NOX4: variants seen among roughly 807,000 people sequenced by gnomAD.
NOX4 encodes the protein kidney oxidase-1.
In NOX4, 69 loss-of-function variants were observed where a neutral mutation model predicts 87.6. The observed-to-expected ratio is 0.79, with a 90% CI of 0.65 to 0.96. The LOEUF is 0.96. Ranked by LOEUF, NOX4 falls within the 40% of genes least tolerant of loss-of-function variation. The pLI, the probability that NOX4 is intolerant of heterozygous loss-of-function variation, is 0.00. For missense variants in NOX4, 680 were observed against 681.5 expected, an observed-to-expected ratio of 1.00 and a Z score of 0.02; for synonymous variants, 275 against 238.2, an observed-to-expected ratio of 1.15 and a Z score of -1.42.
At chr11:89,430,402 G>T (rs1471095281) in intron 7 of NOX4, among the ~76,000 whole-genome samples, 1 of 152,134 alleles carries the variant, frequency 6.6e-6, no homozygotes, top group Non-Finnish European at 1.5e-5. Flanking sequence ...TAGGAAAAAA[G>T]GAAGTCAAAT....
intron 11 of NOX4, among the ~76,000 whole-genome samples, chr11:89,398,393 T>C (rs1941630401): frequency 6.6e-6 from 1 of 151,966 alleles, no homozygotes; most frequent in Non-Finnish European, 1.5e-5. Context: ...AGCATTCCCT[T>C]TGAAAACTGG....
At chr11:89,523,170 C>T in the NOX4 span, among the ~76,000 whole-genome samples, 1 of 152,000 alleles carries the variant, frequency 6.6e-6, no homozygotes, top group Non-Finnish European at 1.5e-5. Context: ...ACTACAGGCA[C>T]GTGTCACCAA....
intron 14 of NOX4, among the ~76,000 whole-genome samples, chr11:89,341,484 A>G (rs1417090772): frequency 6.6e-6 from 1 of 152,206 alleles, no homozygotes; most frequent in Non-Finnish European, 1.5e-5. Flanking sequence ...TAATAAATGA[A>G]GGAATGATGT....
At position 89,434,442 on chromosome 11, in the gene NOX4, C is replaced by CTT. The variant is rs575171291; in HGVS notation, c.476-1588_476-1587dup. On this transcript the variant is annotated intron_variant, in intron 6 of 17. Coordinates refer to ENST00000263317, the MANE Select transcript of NOX4 (RefSeq NM_016931.5). Reference sequence around the variant, plus strand: ...TTCCTTCCTAGAGGAAAAGTACTTCCTTTTTCATGATTTTTCCATTTCCTA... The same window carrying CTT: ...TTCCTTCCTAGAGGAAAAGTACTTCCTTTTTTTCATGATTTTTCCATTTCCTA... 3.0e-3 allele frequency among the ~76,000 whole-genome samples: 449 copies of CTT among 152,046 alleles called. 2 individuals carry two copies. Among genetic ancestry groups the CTT allele is most frequent in the Non-Finnish European group, 5.0e-3 (339 of 67,936 alleles).
rs192901907 is a variant in NOX4, at chr11:89,426,245, G to T, written c.549-4263C>A. Among the ~76,000 whole-genome samples, 7 of 152,132 alleles carry T rather than the reference G, an allele frequency of 4.6e-5. No individual in the cohort carries two copies. The East Asian group carries it at 1.4e-3, about 29-fold the overall frequency. ...TAGCTTTAAAATAATTTTAACAAAG[G>T]TTCCAAAATGGCCAAATAGGAACAG... is the stretch of plus-strand genomic sequence containing the variant. On this transcript the variant is annotated intron_variant, in intron 7 of 17. Transcript: ENST00000263317.
chr11:89,390,973 T>C (rs1941078510), intron 11 of NOX4, among the ~76,000 whole-genome samples: 3 of 152,110 alleles, frequency 2.0e-5, no homozygotes, highest in African/African-American at 7.2e-5. Context: ...TCCTTTTCTG[T>C]AGTTGCACCC....
the NOX4 span, among the ~76,000 whole-genome samples, chr11:89,558,012 A>G: frequency 6.6e-6 from 1 of 152,162 alleles, no homozygotes; most frequent in Admixed American, 6.6e-5. Flanking sequence ...GTGTTTTAAT[A>G]TAAGATCTTG....
At chr11:89,376,770 T>C (rs921504652) in intron 11 of NOX4, among the ~76,000 whole-genome samples, 8 of 152,216 alleles carry the variant, frequency 5.3e-5, no homozygotes, top group African/African-American at 1.9e-4. Context: ...TGGTCCCAGA[T>C]ACTCGGGAGG....
chr11:89,524,732 T>A, the NOX4 span, among the ~76,000 whole-genome samples: 1 of 152,118 alleles, frequency 6.6e-6, no homozygotes, highest in African/African-American at 2.4e-5. Flanking sequence ...TCATTGCATG[T>A]ACATGTTTTG....
chr11:89,475,505 A>G (rs1020254686), intron 2 of NOX4, among the ~76,000 whole-genome samples: 3 of 152,056 alleles, frequency 2.0e-5, no homozygotes, highest in African/African-American at 7.2e-5. Context: ...ATAAACTTCT[A>G]AAAATTACCT....
At chr11:89,363,254 G>A (rs1401662902) in intron 12 of NOX4, among the ~76,000 whole-genome samples, 1 of 151,870 alleles carries the variant, frequency 6.6e-6, no homozygotes, top group East Asian at 1.9e-4. Flanking sequence ...TACTAGATAA[G>A]GTGAATATTT....
the NOX4 span, among the ~76,000 whole-genome samples, chr11:89,526,701 G>T: frequency 0.019 from 2,871 of 152,256 alleles, 51 homozygotes; most frequent in African/African-American, 0.04. Flanking sequence ...GTAAAGAAGT[G>T]CCTTGCTTCC....
chr11:89,459,374 C>A (rs1463296647), intron 2 of NOX4, among the ~76,000 whole-genome samples: 1 of 152,058 alleles, frequency 6.6e-6, no homozygotes. Flanking sequence ...AAAAAATAAT[C>A]TGTACACTAA....
intron 2 of NOX4, among the ~76,000 whole-genome samples, chr11:89,469,560 C>T (rs751157220): frequency 7.2e-5 from 11 of 152,056 alleles, no homozygotes; most frequent in South Asian, 2.1e-4. Flanking sequence ...TCTTTCATGG[C>T]GCCTTACAAA....
chr11:89,363,594 G>T (rs893363369), intron 12 of NOX4, among the ~76,000 whole-genome samples: 1 of 151,966 alleles, frequency 6.6e-6, no homozygotes, highest in Admixed American at 6.6e-5. Context: ...ATTATTTCTA[G>T]GGATTTAAAG....
chr11:89,421,353 T>C (rs1228362162), intron 8 of NOX4, among the ~76,000 whole-genome samples: 3 of 152,204 alleles, frequency 2.0e-5, no homozygotes, highest in Admixed American at 1.3e-4. Flanking sequence ...ATTTTTGGAA[T>C]ACTTTAGGTA....
At chr11:89,463,397 C>A (rs1249634105) in intron 2 of NOX4, among the ~76,000 whole-genome samples, 3 of 152,000 alleles carry the variant, frequency 2.0e-5, no homozygotes, top group Non-Finnish European at 4.4e-5. Flanking sequence ...GTACAATCCA[C>A]ACTTTTTATA....
chr11:89,526,246 T>A, the NOX4 span, among the ~76,000 whole-genome samples: 2,231 of 152,326 alleles, frequency 0.015, 53 homozygotes, highest in African/African-American at 0.051. Flanking sequence ...TTTAAACTTT[T>A]AAAATTTTAT....
chr11:89,410,096 T>A (rs1313343067), intron 8 of NOX4, among the ~76,000 whole-genome samples: 4 of 151,982 alleles, frequency 2.6e-5, no homozygotes, highest in Non-Finnish European at 5.9e-5. Flanking sequence ...AGGCATGGGT[T>A]TTCTTTTCTT....
Sources: allele counts gnomAD v4.1 joint callset (sites outside exome capture counted in the v4.1 genomes callset), GRCh38; gene constraint gnomAD v4.1.1; transcripts MANE v1.5; gene names NCBI Gene and HGNC (gene_info 2026-07-23, HGNC 2026-07-21).